Variants in MTMR7 observed in about 807,000 individuals in gnomAD.
MTMR7 encodes phosphatidylinositol-3-phosphate phosphatase MTMR7.
MTMR7 carries 76 observed loss-of-function variants against 81.2 expected under a neutral mutation model. The observed-to-expected ratio is 0.94, with a 90% confidence interval of 0.78 to 1.13. MTMR7 has a LOEUF of 1.13. MTMR7 is among the 50% of genes most tolerant of loss of function. The pLI is 0.00. For missense variants in MTMR7, 1,044 were observed against 820.0 expected, an observed-to-expected ratio of 1.27 and a Z score of -3.34; for synonymous variants, 372 against 289.8, an observed-to-expected ratio of 1.28 and a Z score of -2.88.
intron 1 of MTMR7, among the ~76,000 whole-genome samples, chr8:17,397,469 G>C (rs915441072): frequency 1.3e-5 from 2 of 152,170 alleles, no homozygotes; most frequent in African/African-American, 4.8e-5. Flanking sequence ...GGTGGCTACT[G>C]GAAGAGGCTC....
rs1239223939 is a variant in MTMR7, at chr8:17,413,332, T to C, written c.-40A>G. The stretch of plus-strand genomic sequence containing the variant: ...TGCAGGGTCCCGGGCGGGCGCGGCC[T>C]CACGCACCTGCGCGCCTCTGCGGCG... On this transcript the variant is annotated 5_prime_UTR_variant, in exon 1 of 14. Coordinates refer to ENST00000180173, the MANE Select transcript of MTMR7 (RefSeq NM_004686.5). The C allele has an allele frequency of 1.3e-6, 2 of 1,515,690 alleles. No individual in the cohort carries two copies. The highest frequency in any genetic ancestry group is 1.8e-6 in the Non-Finnish European group (2 of 1,131,366). The allele number at this position is 1,515,690 out of a possible 1,614,324, so 93.9% of individuals were successfully genotyped here. A position where few individuals can be genotyped will look rare whatever the true frequency, so the allele number is the denominator to read the frequency against.
chr8:17,331,421 C>A, intron 6 of MTMR7, 139 bp from the exon 7 acceptor site: 1 of 838,524 alleles, frequency 1.2e-6, no homozygotes, highest in Non-Finnish European at 1.8e-6. Context: ...TGAATCACTG[C>A]AACCTTGTAC....
intron 7 of MTMR7, among the ~76,000 whole-genome samples, chr8:17,329,200 G>T (rs1187656071): frequency 6.6e-6 from 1 of 152,126 alleles, no homozygotes; most frequent in Non-Finnish European, 1.5e-5. Flanking sequence ...TTGATGCCAA[G>T]GATAGCTGTT....
At chr8:17,304,917 C>A (rs1452183126) in intron 11 of MTMR7, among the ~76,000 whole-genome samples, 2 of 152,054 alleles carry the variant, frequency 1.3e-5, no homozygotes, top group South Asian at 4.1e-4. Context: ...GATGAAGAAA[C>A]TGAGGAATAG....
At chr8:17,397,628 C>G (rs968168111) in intron 1 of MTMR7, among the ~76,000 whole-genome samples, 1 of 152,174 alleles carries the variant, frequency 6.6e-6, no homozygotes, top group Admixed American at 6.5e-5. Flanking sequence ...TCTGGACCTG[C>G]CCAGGGCCTG....
intron 6 of MTMR7, 48 bp downstream of exon 6, chr8:17,341,315 G>T: frequency 6.2e-7 from 1 of 1,607,080 alleles, no homozygotes; most frequent in Non-Finnish European, 8.5e-7. Context: ...CCTGTCTCCA[G>T]TTTCACAACT....
chr8:17,404,575 G>A (rs777721748), intron 1 of MTMR7, among the ~76,000 whole-genome samples: 1 of 151,930 alleles, frequency 6.6e-6, no homozygotes, highest in East Asian at 1.9e-4. Flanking sequence ...ATAAATTGAT[G>A]AGAAACCATA....
intron 5 of MTMR7, among the ~76,000 whole-genome samples, chr8:17,348,747 A>ACATTACTG (rs1440917692): frequency 2.0e-5 from 3 of 152,204 alleles, no homozygotes. Flanking sequence ...CTGAATCATT[A>ACATTACTG]CATTACTGTC....
intron 9 of MTMR7, 130 bp from the exon 10 acceptor site, chr8:17,309,456 GA>G (rs1165758845): frequency 1.5e-6 from 1 of 689,348 alleles, no homozygotes; most frequent in Non-Finnish European, 2.6e-6. Flanking sequence ...GCAAATGCAT[GA>G]ACAGGCATTA....
chr8:17,406,139 G>GA (rs1383744865), intron 1 of MTMR7, among the ~76,000 whole-genome samples: 1 of 151,928 alleles, frequency 6.6e-6, no homozygotes, highest in Non-Finnish European at 1.5e-5. Context: ...AGTGACAAAA[G>GA]AAAAAATAAG....
intron 1 of MTMR7, among the ~76,000 whole-genome samples, chr8:17,389,608 G>A (rs1821044042): frequency 6.6e-6 from 1 of 152,102 alleles, no homozygotes; most frequent in Non-Finnish European, 1.5e-5. Context: ...CAGTACTATG[G>A]TAAAAATAAA....
At chr8:17,347,535 C>G (rs1819595437) in intron 5 of MTMR7, among the ~76,000 whole-genome samples, 1 of 152,200 alleles carries the variant, frequency 6.6e-6, no homozygotes, top group Non-Finnish European at 1.5e-5. Context: ...CACACTCACA[C>G]AATCTCCTGT....
Position 17,300,138 on chromosome 8 carries a change from A to G in MTMR7, c.1707T>C (p.Ser569=), listed in dbSNP as rs1817019238. The change falls in exon 14 of 14, where the codon TCT becomes TCC. Residue 569 remains serine (S), a synonymous_variant. Coordinates refer to ENST00000180173, the MANE Select transcript of MTMR7 (RefSeq NM_004686.5). The stretch of plus-strand genomic sequence containing the variant: ...TGTTGGCTATGCTGTTGTCTGAGGT[A>G]GAAAACCCTGAGTGCTTGCTGGGCT... The part of the protein sequence containing the change: ...QSEPSKHSGF[S]TSDNSIANTP... 6.2e-7 allele frequency: 1 copy of G among 1,614,170 alleles called. No individual in the cohort carries two copies. The highest frequency in any genetic ancestry group is 8.5e-7 in the Non-Finnish European group (1 of 1,180,012).
intron 5 of MTMR7, among the ~76,000 whole-genome samples, 185 bp from the exon 6 acceptor site, chr8:17,341,682 G>T (rs984407562): frequency 6.6e-6 from 1 of 152,094 alleles, no homozygotes; most frequent in African/African-American, 2.4e-5. Flanking sequence ...ACCACTAATG[G>T]GCAAGCAATA....
chr8:17,362,754 A>G (rs994839068), intron 3 of MTMR7, among the ~76,000 whole-genome samples: 39 of 152,288 alleles, frequency 2.6e-4, no homozygotes, highest in Middle Eastern at 3.4e-3. Flanking sequence ...TAGTGATAGT[A>G]TTCAGTGTGA....
rs543062931 is a variant in MTMR7, at chr8:17,342,997, A to G, written c.598-1500T>C. Among the ~76,000 whole-genome samples, 6 of 152,220 alleles carry G rather than the reference A, an allele frequency of 3.9e-5. 1 individual carries two copies. The highest frequency in any genetic ancestry group is 1.4e-4 in the African/African-American group (6 of 41,534). Reference sequence around the variant, plus strand: ...ATGTCCGAAGACCAGAAATCAAATGACACAGATGGCTTTCACAGGGGTCCT... The same window carrying G: ...ATGTCCGAAGACCAGAAATCAAATGGCACAGATGGCTTTCACAGGGGTCCT... On this transcript the variant is annotated intron_variant, in intron 5 of 13. Transcript: ENST00000180173.
At chr8:17,386,079 T>G (rs924318007) in intron 1 of MTMR7, among the ~76,000 whole-genome samples, 1 of 152,062 alleles carries the variant, frequency 6.6e-6, no homozygotes, top group Admixed American at 6.5e-5. Flanking sequence ...CCCAGACTAT[T>G]TATCAGACTC....
intron 1 of MTMR7, among the ~76,000 whole-genome samples, chr8:17,383,284 G>A (rs901053100): frequency 3.3e-5 from 5 of 152,142 alleles, no homozygotes; most frequent in East Asian, 3.9e-4. Context: ...ACTGTGGTGC[G>A]TTCCTTTTAA....
At chr8:17,396,969 T>C (rs1359987022) in intron 1 of MTMR7, among the ~76,000 whole-genome samples, 4 of 151,796 alleles carry the variant, frequency 2.6e-5, no homozygotes, top group Non-Finnish European at 5.9e-5. Flanking sequence ...AGACACACCT[T>C]GGGACAGAAG....
Sources: allele counts gnomAD v4.1 joint callset (sites outside exome capture counted in the v4.1 genomes callset), GRCh38; gene constraint gnomAD v4.1.1; transcripts MANE v1.5; gene names NCBI Gene and HGNC (gene_info 2026-07-23, HGNC 2026-07-21).